The following CACTIN variants were observed in gnomAD, a reference collection of about 807,000 sequenced individuals.
The protein encoded by CACTIN is cactin, spliceosome C complex subunit.
CACTIN carries 20 observed loss-of-function variants against 84.9 expected under a neutral mutation model. That is an observed-to-expected ratio of 0.24 (90% CI 0.17 to 0.34). The LOEUF (loss-of-function observed/expected upper bound fraction) is 0.34. Among genes scored for constraint, CACTIN ranks in the 10% least tolerant of loss-of-function variants. CACTIN has a pLI of 1.00. For synonymous variants in CACTIN, 549 were observed against 467.9 expected (o/e 1.17, Z -2.24); for missense variants, 897 against 1,117.2 (o/e 0.80, Z 2.81).
At chr19:3,618,426 G>GC (rs2033152271) in intron 6 of CACTIN, among the ~76,000 whole-genome samples, 1 of 146,314 alleles carries the variant, frequency 6.8e-6, no homozygotes, top group African/African-American at 2.6e-5. Context: ...CCACACGGAG[G>GC]GGGGGGAAAC....
rs1307872868 is a variant in CACTIN, at chr19:3,611,431, G to C, written c.*492C>G. On this transcript the variant is annotated 3_prime_UTR_variant, in exon 10 of 10. Transcript: ENST00000429344. ...CCCACAGCCGCGGGCTCTGCCTCACGCCCAGTGGGTGCCCCGTGATGTGGC... is the reference window on the plus strand; with the variant it reads ...CCCACAGCCGCGGGCTCTGCCTCACCCCCAGTGGGTGCCCCGTGATGTGGC... 2.4e-6 allele frequency: 1 copy of C among 410,446 alleles called. No homozygotes were observed. The highest frequency in any genetic ancestry group is 3.5e-5 in the Admixed American group (1 of 28,206). 25.4% of individuals were successfully genotyped at this position (410,446 alleles called of 1,614,324 possible).
chr19:3,614,098 G>A (rs1025586540), intron 7 of CACTIN, among the ~76,000 whole-genome samples: 5 of 152,186 alleles, frequency 3.3e-5, no homozygotes, highest in Non-Finnish European at 5.9e-5. Context: ...CTGCTGGAGC[G>A]CGCCAGGTAC....
intron 4 of CACTIN, among the ~76,000 whole-genome samples, 199 bp downstream of exon 4, chr19:3,619,928 C>T (rs1292274777): frequency 1.3e-5 from 2 of 152,150 alleles, no homozygotes; most frequent in Non-Finnish European, 1.5e-5. Flanking sequence ...CACCTGGGCC[C>T]GTCTCCTCTG....
At position 3,614,476 on chromosome 19, in the gene CACTIN, G is replaced by C. The variant is rs778381426; in HGVS notation, c.1276C>G (p.Arg426Gly). Residue 426 changes from arginine (R) to glycine (G), a missense_variant, in exon 7 of 10, where the codon CGC becomes GGC. Arg to Gly is a moderately radical substitution (Grantham distance 125). Coordinates refer to ENST00000429344, the MANE Select transcript of CACTIN (RefSeq NM_001080543.2). The part of the protein sequence containing the change: ...VIFQGIEGKI[R>G]AGGPNLDMGY... The stretch of plus-strand genomic sequence containing the variant: ...ATGTCCAGGTTGGGGCCACCAGCGC[G>C]GATTTTGCCCTCGATGCCCTGGAAG... 4 of 1,601,490 alleles carry C rather than the reference G, an allele frequency of 2.5e-6. No homozygotes were observed. The South Asian group carries it at 4.5e-5, about 18-fold the overall frequency.
chr19:3,613,464 C>A lies in CACTIN; in HGVS notation c.1478G>T (p.Ser493Ile). 6.3e-7 allele frequency: 1 copy of A among 1,577,266 alleles called. No individual in the cohort carries two copies. The change falls in exon 8 of 10, where the codon AGC (serine) becomes ATC (isoleucine). Residue 493 changes from serine to isoleucine, a missense_variant and splice_region_variant. Physicochemically the swap from Ser to Ile is moderately radical, Grantham distance 142 (BLOSUM62 -2). Transcript: ENST00000429344. Reference sequence around the variant, plus strand: ...TCCCCGGGGTGCCGGCCGGGCCTACCTGCGGCTGGGGGACTGGGGCTCCTG... The same window carrying A: ...TCCCCGGGGTGCCGGCCGGGCCTACATGCGGCTGGGGGACTGGGGCTCCTG... ...LKQEPQSPSR[S>I]LEPEDAAPTP...
Position 3,614,444 on chromosome 19 carries a change from G to A in CACTIN, c.1308C>T (p.Tyr436=). 4 of 1,594,890 alleles carry A rather than the reference G, an allele frequency of 2.5e-6. No individual in the cohort carries two copies. Among genetic ancestry groups the A allele is most frequent in the Non-Finnish European group, 2.6e-6 (3 of 1,170,932 alleles). ...GAAGCTGCTGCAGGAGGCTCTCCCA[G>A]TAGCCCATGTCCAGGTTGGGGCCAC... ...RAGGPNLDMG[Y]WESLLQQLRA... is the part of the protein sequence containing the mutation. Residue 436 remains tyrosine, a synonymous_variant, in exon 7 of 10, where the codon TAC becomes TAT. Transcript: ENST00000429344.
rs568423290 is a variant in CACTIN at position 3,619,984 on chromosome 19, C to T, written c.884+143G>A. 310 of 993,790 alleles carry T rather than the reference C, an allele frequency of 3.1e-4. 3 individuals are homozygous for T. In the African/African-American group the frequency reaches 4.0e-3, roughly 13 times the overall value. The allele number at this position is 993,790 out of a possible 1,614,324, so 61.6% of individuals were successfully genotyped here. On this transcript the variant is annotated intron_variant, in intron 4 of 9. Transcript: ENST00000429344. Reference sequence around the variant, plus strand: ...GGCAGGAGACAGAAGCCTTGCCGCCCGGGAAGGGGTCAGGAAGGGAAGGTC... The same window carrying T: ...GGCAGGAGACAGAAGCCTTGCCGCCTGGGAAGGGGTCAGGAAGGGAAGGTC...
Position 3,612,404 on chromosome 19 carries a change from CTGGCGT to C in CACTIN, c.1790_1795del (p.Asp597_Ser599delinsGly). On this transcript the variant is annotated inframe_deletion, in exon 10 of 10. Coordinates refer to ENST00000429344, the MANE Select transcript of CACTIN (RefSeq NM_001080543.2). ...GAAGAAGATGTCCTCGGCGCTCTCGCTGGCGTCTCCTGCGGGCGGGACGGCGTTCAC... is the reference window on the plus strand; with the variant it reads ...GAAGAAGATGTCCTCGGCGCTCTCGCCTCCTGCGGGCGGGACGGCGTTCAC... The C allele has an allele frequency of 6.3e-7, 1 of 1,592,284 alleles. No homozygotes were observed. The highest frequency in any genetic ancestry group is 8.5e-7 in the Non-Finnish European group (1 of 1,172,990).
intron 7 of CACTIN, 183 bp from the exon 8 acceptor site, chr19:3,613,769 C>T (rs372487032): frequency 3.9e-6 from 3 of 767,420 alleles, no homozygotes; most frequent in East Asian, 2.8e-5. Flanking sequence ...GGAGAGAGGA[C>T]GAGAGGACGC....
In CACTIN at chr19:3,624,068, A is replaced by T. The variant is rs1204615081; in HGVS notation, c.262T>A (p.Ser88Thr). The change falls in exon 2 of 10, where the codon TCG (serine) becomes ACG (threonine). Residue 88 changes from serine (S) to threonine (T), a missense_variant. Ser to Thr is a moderately conservative substitution (Grantham distance 58). Around this residue, in one of 8 missense-constraint regions of CACTIN, gnomAD observed 261 missense variants for 243.8 expected, o/e 1.07. Transcript: ENST00000429344. ...KWHSRDGSSQ[S>T]DSGEEQSRGQ... The stretch of plus-strand genomic sequence containing the variant: ...CGTGACTGCTCCTCTCCTGAGTCCG[A>T]CTGAGAGGACCCATCTCTTGAGTGC... 1 of 1,603,146 alleles carries T rather than the reference A, an allele frequency of 6.2e-7. No homozygotes were observed. Among genetic ancestry groups the T allele is most frequent in the Non-Finnish European group, 8.5e-7 (1 of 1,179,542 alleles).
At position 3,614,373 on chromosome 19, in the gene CACTIN, C is replaced by T. The variant is rs575252599; in HGVS notation, c.1355+24G>A. ...CCATCCCACCCGGACGGCACCAACC[C>T]TGGTACCCGCACCTAGTGCTCACCG... On this transcript the variant is annotated intron_variant, in intron 7 of 9. Coordinates refer to ENST00000429344, the MANE Select transcript of CACTIN (RefSeq NM_001080543.2). 23 of 1,555,494 alleles carry T rather than the reference C, an allele frequency of 1.5e-5. No individual in the cohort carries two copies. In the African/African-American group the frequency reaches 2.7e-4, roughly 18 times the overall value.
At position 3,611,884 on chromosome 19, in the gene CACTIN, G is replaced by A. The variant is rs760381014; in HGVS notation, c.*39C>T. The A allele has an allele frequency of 2.8e-5, 45 of 1,603,360 alleles. No individual in the cohort carries two copies. The highest frequency in any genetic ancestry group is 3.7e-5 in the Non-Finnish European group (44 of 1,177,248). The stretch of plus-strand genomic sequence containing the variant: ...CCAGCTTCACCGAAGCCCCTTTACT[G>A]TGCCCCCGAGGACACCTGCCTGCCG... On this transcript the variant is annotated 3_prime_UTR_variant, in exon 10 of 10. Transcript: ENST00000429344.
chr19:3,612,032 A>G lies in CACTIN; in HGVS notation c.2168T>C (p.Ile723Thr). ...CGAGTATTCCCACTCGCGGTTGACGATCTTGAAAGCGATGTCCTCGTAGGG... is the reference window on the plus strand; with the variant it reads ...CGAGTATTCCCACTCGCGGTTGACGGTCTTGAAAGCGATGTCCTCGTAGGG... ...GPPYEDIAFKIVNREWEYSHR... is the reference protein window; with the variant it reads ...GPPYEDIAFKTVNREWEYSHR... Residue 723 changes from isoleucine (I) to threonine (T), a missense_variant, in exon 10 of 10, where the codon ATC becomes ACC. By Grantham distance (89) the Ile-to-Thr change is moderately conservative. This residue lies in a region of CACTIN where 21 missense variants were observed against 61.8 expected (regional missense o/e 0.34). Coordinates refer to ENST00000429344, the MANE Select transcript of CACTIN (RefSeq NM_001080543.2). 1 of 1,613,764 alleles carries G rather than the reference A, an allele frequency of 6.2e-7. No individual in the cohort carries two copies. The highest frequency in any genetic ancestry group is 8.5e-7 in the Non-Finnish European group (1 of 1,179,896).
At position 3,613,091 on chromosome 19, in the gene CACTIN, G is replaced by A. The variant is rs1212988787; in HGVS notation, c.1753C>T (p.Leu585=). 20 of 1,589,842 alleles carry A rather than the reference G, an allele frequency of 1.3e-5. No homozygotes were observed. The highest frequency in any genetic ancestry group is 1.5e-5 in the Non-Finnish European group (18 of 1,172,544). ...TGGAGCTGCTGGCGCGAGAGCTGCA[G>A]GCGCTGCAGGTCCTCATCCGGTTCC... ...VLEPDEDLQR[L]QLSRQQLQVT... Residue 585 remains leucine (L), a synonymous_variant, in exon 9 of 10, where the codon CTG becomes TTG. Coordinates refer to ENST00000429344, the MANE Select transcript of CACTIN (RefSeq NM_001080543.2).
At chr19:3,614,885 C>T (rs2033070673) in intron 6 of CACTIN, 2 of 481,768 alleles carry the variant, frequency 4.2e-6, no homozygotes, top group East Asian at 8.0e-5. Flanking sequence ...GAATGCCCCT[C>T]CCCAGGTGAG....
At position 3,612,264 on chromosome 19, in the gene CACTIN, A is replaced by G; in HGVS notation, c.1936T>C (p.Phe646Leu). 1 of 1,613,232 alleles carries G rather than the reference A, an allele frequency of 6.2e-7. No homozygotes were observed. Among genetic ancestry groups the G allele is most frequent in the Non-Finnish European group, 8.5e-7 (1 of 1,179,906 alleles). ...DKYRPRKPRF[F>L]NRVHTGFEWN... ...TCGAAGCCCGTGTGCACGCGGTTGA[A>G]GAAGCGCGGCTTGCGTGGCCGGTAC... The change falls in exon 10 of 10, where the codon TTC (phenylalanine) becomes CTC (leucine). Residue 646 changes from phenylalanine to leucine, a missense_variant. By Grantham distance (22) the Phe-to-Leu change is conservative. Transcript: ENST00000429344.
intron 4 of CACTIN, 111 bp downstream of exon 4, chr19:3,620,016 A>T: frequency 7.8e-7 from 1 of 1,277,670 alleles, no homozygotes; most frequent in South Asian, 1.3e-5. Flanking sequence ...GGTCCCAGGA[A>T]GTGCCGTGTG....
Position 3,613,085 on chromosome 19 carries a change from G to A in CACTIN, c.1759C>T (p.Leu587Phe), listed in dbSNP as rs758102743. Residue 587 changes from leucine to phenylalanine, a missense_variant, in exon 9 of 10, where the codon CTC (leucine) becomes TTC (phenylalanine). Around this residue, in one of 8 missense-constraint regions of CACTIN, gnomAD observed 243 missense variants for 239.9 expected, o/e 1.01. Coordinates refer to ENST00000429344, the MANE Select transcript of CACTIN (RefSeq NM_001080543.2). The stretch of plus-strand genomic sequence containing the variant: ...GTGACCTGGAGCTGCTGGCGCGAGA[G>A]CTGCAGGCGCTGCAGGTCCTCATCC... ...EPDEDLQRLQLSRQQLQVTGD... is the reference protein window; with the variant it reads ...EPDEDLQRLQFSRQQLQVTGD... The A allele has an allele frequency of 1.9e-6, 3 of 1,585,578 alleles. No individual in the cohort carries two copies. The South Asian group carries it at 3.3e-5, about 18-fold the overall frequency.
At position 3,611,291 on chromosome 19, in the gene CACTIN, A is replaced by T; in HGVS notation, c.*632T>A. 2.2e-6 allele frequency: 1 copy of T among 454,952 alleles called. No homozygotes were observed. Among genetic ancestry groups the T allele is most frequent in the Non-Finnish European group, 4.4e-6 (1 of 226,448 alleles). 28.2% of individuals were successfully genotyped at this position (454,952 alleles called of 1,614,324 possible). On this transcript the variant is annotated 3_prime_UTR_variant, in exon 10 of 10. Coordinates refer to ENST00000429344, the MANE Select transcript of CACTIN (RefSeq NM_001080543.2). ...GTGAGTTGGGGGCCAGTCCCTGCAG[A>T]GTGTGGGTGTCCACAGAGGGTCTCT...
Sources: gnomAD v4.1 joint callset for allele counts (sites outside exome capture counted in the v4.1 genomes callset) on GRCh38, gnomAD v4.1.1 for gene constraint, gnomAD v4.1.1 regional missense constraint, MANE v1.5 for transcripts, NCBI Gene and HGNC (gene_info 2026-07-23, HGNC 2026-07-21) for gene names.